The following SLC22A16 variants were observed in gnomAD, a reference collection of about 807,000 sequenced individuals.
The protein encoded by SLC22A16 is WUGSC:RG331P03.1.
SLC22A16 carries 53 observed loss-of-function variants against 52.9 expected under a neutral mutation model. The observed-to-expected ratio is 1.00, with a 90% CI of 0.80 to 1.26. The LOEUF (loss-of-function observed/expected upper bound fraction) is 1.26. Among genes scored for constraint, SLC22A16 ranks in the 50% most tolerant of loss-of-function variants. The probability of loss-of-function intolerance (pLI) is 0.00; values close to 1 mark genes in which losing one functional copy is unlikely to be tolerated. For missense variants in SLC22A16, 726 were observed against 704.0 expected, an observed-to-expected ratio of 1.03 and a Z score of -0.35; for synonymous variants, 291 against 268.8, an observed-to-expected ratio of 1.08 and a Z score of -0.81.
intron 1 of SLC22A16, among the ~76,000 whole-genome samples, chr6:110,464,770 T>C (rs1188172159): frequency 6.6e-6 from 1 of 151,942 alleles, no homozygotes; most frequent in Non-Finnish European, 1.5e-5. Context: ...GGAAGAGGAA[T>C]TCCTCCATAA....
chr6:110,475,007 AACATTTGT>A (rs781503666), intron 1 of SLC22A16: 2 of 518,734 alleles, frequency 3.9e-6, no homozygotes, highest in Admixed American at 1.9e-5. Context: ...CCTATTTGAA[AACATTTGT>A]ACTATTATTA....
chr6:110,461,242 G>C (rs1213309323), intron 1 of SLC22A16, among the ~76,000 whole-genome samples: 1 of 152,174 alleles, frequency 6.6e-6, no homozygotes, highest in Non-Finnish European at 1.5e-5. Flanking sequence ...GCTCTGACCC[G>C]AGGCCATTTT....
intron 6 of SLC22A16, among the ~76,000 whole-genome samples, chr6:110,433,199 T>C (rs1774576449): frequency 6.6e-6 from 1 of 152,236 alleles, no homozygotes; most frequent in South Asian, 2.1e-4. Context: ...TAGGGAGTTA[T>C]TCCTCTGCTA....
At chr6:110,428,358 T>A (rs1364399670) in intron 7 of SLC22A16, among the ~76,000 whole-genome samples, 1 of 152,138 alleles carries the variant, frequency 6.6e-6, no homozygotes, top group Non-Finnish European at 1.5e-5. Flanking sequence ...AGAGCTGTCT[T>A]AGAGAAGGGA....
At chr6:110,441,126 A>G (rs1423757500) in intron 4 of SLC22A16, among the ~76,000 whole-genome samples, 3 of 152,256 alleles carry the variant, frequency 2.0e-5, no homozygotes, top group Non-Finnish European at 4.4e-5. Flanking sequence ...GACGATATTG[A>G]AGATGAAGAC....
At chr6:110,454,982 T>C (rs1486143357) in intron 2 of SLC22A16, among the ~76,000 whole-genome samples, 11 of 107,786 alleles carry the variant, frequency 1.0e-4, no homozygotes, top group Non-Finnish European at 1.6e-4. Flanking sequence ...ACATATAATA[T>C]ATTTATATTA....
chr6:110,448,271 C>T (rs572782384), intron 2 of SLC22A16, among the ~76,000 whole-genome samples: 19 of 152,220 alleles, frequency 1.2e-4, no homozygotes, highest in African/African-American at 2.2e-4. Context: ...TCTTTTCAAG[C>T]GCGTATTGGC....
chr6:110,475,072 G>A (rs558207490), intron 1 of SLC22A16: 114 of 479,262 alleles, frequency 2.4e-4, no homozygotes, highest in African/African-American at 2.1e-3. Context: ...GCTCAAGACC[G>A]TATAGTTAAT....
chr6:110,430,128 G>A (rs148882515), intron 7 of SLC22A16, among the ~76,000 whole-genome samples: 162 of 152,096 alleles, frequency 1.1e-3, no homozygotes, highest in African/African-American at 3.7e-3. Flanking sequence ...GGGATGAAGC[G>A]CAAGGAGAAG....
chr6:110,444,041 T>G (rs1282723095), intron 3 of SLC22A16, among the ~76,000 whole-genome samples: 2 of 152,140 alleles, frequency 1.3e-5, no homozygotes, highest in South Asian at 4.2e-4. Context: ...AGATGCACAG[T>G]GGTGATAATT....
chr6:110,453,380 T>A (rs1264823218), intron 2 of SLC22A16, among the ~76,000 whole-genome samples: 1 of 152,208 alleles, frequency 6.6e-6, no homozygotes, highest in Non-Finnish European at 1.5e-5. Context: ...AAATAATTTA[T>A]GAGAATCCTC....
intron 2 of SLC22A16, chr6:110,456,088 T>C (rs1349077005): frequency 1.3e-5 from 2 of 155,724 alleles, no homozygotes. Flanking sequence ...ATTTTACAGA[T>C]ATACTGCTTA....
intron 7 of SLC22A16, among the ~76,000 whole-genome samples, 162 bp downstream of exon 7, chr6:110,431,009 C>T (rs1220413897): frequency 1.3e-5 from 2 of 152,224 alleles, no homozygotes; most frequent in East Asian, 3.8e-4. Flanking sequence ...AGCCACCACC[C>T]TACTCACCAA....
chr6:110,462,178 C>T lies in SLC22A16; in HGVS notation c.54-5161G>A, dbSNP rs565449508. ...TCAATCATCTCTCACCACATCCCTC[C>T]CACAACACGTGGGAATTATGGGAGT... On this transcript the variant is annotated intron_variant, in intron 1 of 7. Transcript: ENST00000368919. Among the ~76,000 whole-genome samples the T allele has an allele frequency of 2.5e-3, 377 of 152,266 alleles. 5 individuals carry two copies. Among genetic ancestry groups the T allele is most frequent in the African/African-American group, 8.9e-3 (368 of 41,536 alleles).
intron 1 of SLC22A16, among the ~76,000 whole-genome samples, chr6:110,469,678 C>T (rs1346193522): frequency 6.6e-6 from 1 of 152,210 alleles, no homozygotes; most frequent in East Asian, 1.9e-4. Context: ...AAAATCTTTG[C>T]TTAGTGAATC....
intron 1 of SLC22A16, among the ~76,000 whole-genome samples, chr6:110,462,435 G>T (rs1274265836): frequency 6.6e-6 from 1 of 152,078 alleles, no homozygotes; most frequent in Non-Finnish European, 1.5e-5. Context: ...AAAGAAAGCT[G>T]AAAATCAACC....
At chr6:110,436,603 G>A (rs565119069) in intron 5 of SLC22A16, among the ~76,000 whole-genome samples, 1 of 152,204 alleles carries the variant, frequency 6.6e-6, no homozygotes, top group African/African-American at 2.4e-5. Context: ...TTCAGCTTGG[G>A]TGACAGAGTG....
At chr6:110,438,602 A>G (rs1049733282) in intron 5 of SLC22A16, 118 bp downstream of exon 5, 9 of 1,071,072 alleles carry the variant, frequency 8.4e-6, no homozygotes, top group African/African-American at 1.6e-5. Flanking sequence ...TTTAAATATT[A>G]TATACTCTGC....
chr6:110,434,051 G>A (rs1394896179), intron 6 of SLC22A16, among the ~76,000 whole-genome samples: 1 of 152,036 alleles, frequency 6.6e-6, no homozygotes, highest in Non-Finnish European at 1.5e-5. Flanking sequence ...GACCAGCCTG[G>A]CCAACATGGT....
Sources: allele counts gnomAD v4.1 joint callset (sites outside exome capture counted in the v4.1 genomes callset), GRCh38; gene constraint gnomAD v4.1.1; transcripts MANE v1.5; gene names NCBI Gene and HGNC (gene_info 2026-07-23, HGNC 2026-07-21).